FHIT: variants seen among roughly 807,000 people sequenced by gnomAD.
FHIT encodes fragile histidine triad diadenosine triphosphatase, also known as bis(5'-adenosyl)-triphosphatase.
In FHIT, 19 loss-of-function variants were observed where a neutral mutation model predicts 17.9. The ratio of observed to expected loss-of-function variants is 1.06; its 90% CI spans 0.74 to 1.56. The LOEUF (loss-of-function observed/expected upper bound fraction) is 1.56. FHIT is among the 40% of genes most tolerant of loss of function. The pLI, the probability that FHIT is intolerant of heterozygous loss-of-function variation, is 0.00. For missense variants in FHIT, 248 were observed against 189.2 expected, an observed-to-expected ratio of 1.31 and a Z score of -1.82; for synonymous variants, 81 against 69.7, an observed-to-expected ratio of 1.16 and a Z score of -0.81.
At chr3:61,174,841 G>A (rs912369449) in intron 2 of FHIT, among the ~76,000 whole-genome samples, 1 of 152,128 alleles carries the variant, frequency 6.6e-6, no homozygotes, top group Non-Finnish European at 1.5e-5. Flanking sequence ...ACTTGCAATG[G>A]GATACTTGTG....
At chr3:59,954,495 A>G (rs62240081) in intron 7 of FHIT, among the ~76,000 whole-genome samples, 13,387 of 152,214 alleles carry the variant, frequency 0.088, 827 homozygotes, top group South Asian at 0.15. Flanking sequence ...TCACCTAAGG[A>G]GTGCTGTGCA....
At chr3:60,825,720 T>C (rs2106789517) in intron 3 of FHIT, among the ~76,000 whole-genome samples, 1 of 152,286 alleles carries the variant, frequency 6.6e-6, no homozygotes, top group East Asian at 1.9e-4. Context: ...TGGAACAGTT[T>C]CATCCCAAAA....
intron 2 of FHIT, among the ~76,000 whole-genome samples, chr3:61,186,553 T>A (rs907621925): frequency 6.6e-6 from 1 of 152,214 alleles, no homozygotes; most frequent in Non-Finnish European, 1.5e-5. Flanking sequence ...TGAGAGGCTA[T>A]GAGGATCCTG....
chr3:60,833,267 G>A (rs1553743044), intron 3 of FHIT, among the ~76,000 whole-genome samples: 1 of 152,138 alleles, frequency 6.6e-6, no homozygotes, highest in African/African-American at 2.4e-5. Flanking sequence ...TCTTCCTCCT[G>A]GGGAAGTAGG....
chr3:61,164,566 A>C (rs1277477267), intron 2 of FHIT, among the ~76,000 whole-genome samples: 2 of 152,226 alleles, frequency 1.3e-5, no homozygotes, highest in African/African-American at 4.8e-5. Flanking sequence ...TCTAAGCCTG[A>C]GTTTACTTAT....
chr3:60,993,793 A>T (rs1248846854), intron 3 of FHIT, among the ~76,000 whole-genome samples: 1 of 152,206 alleles, frequency 6.6e-6, no homozygotes, highest in African/African-American at 2.4e-5. Flanking sequence ...TTGTAGGAGG[A>T]GGTCTGAACG....
intron 5 of FHIT, among the ~76,000 whole-genome samples, chr3:60,017,898 C>G (rs1700405342): frequency 6.6e-6 from 1 of 152,194 alleles, no homozygotes; most frequent in Non-Finnish European, 1.5e-5. Flanking sequence ...AGAATCCCTC[C>G]CATCCTACAC....
chr3:61,077,494 A>G (rs1287532818), intron 2 of FHIT, among the ~76,000 whole-genome samples: 2 of 152,052 alleles, frequency 1.3e-5, no homozygotes, highest in African/African-American at 4.8e-5. Context: ...ACAAAAAAAA[A>G]CAGCCATGCC....
At chr3:60,513,738 G>A (rs553333726) in intron 5 of FHIT, among the ~76,000 whole-genome samples, 1 of 146,482 alleles carries the variant, frequency 6.8e-6, no homozygotes, top group Non-Finnish European at 1.5e-5. Context: ...TCCCTGGTGA[G>A]GGTTCTACTC....
At chr3:60,136,661 A>G (rs1257256697) in intron 5 of FHIT, among the ~76,000 whole-genome samples, 5 of 152,056 alleles carry the variant, frequency 3.3e-5, no homozygotes, top group African/African-American at 1.2e-4. Flanking sequence ...CTTACCTTAC[A>G]TAGGACCTTG....
chr3:61,149,380 G>T (rs1175808576), intron 2 of FHIT, among the ~76,000 whole-genome samples: 1 of 151,430 alleles, frequency 6.6e-6, no homozygotes, highest in Admixed American at 6.6e-5. Context: ...CTGAAGCAGG[G>T]TAATAAAATT....
chr3:61,226,109 C>T (rs1193936315), intron 1 of FHIT, among the ~76,000 whole-genome samples: 1 of 152,128 alleles, frequency 6.6e-6, no homozygotes, highest in Non-Finnish European at 1.5e-5. Flanking sequence ...GTTTTCTTCC[C>T]TGTCTAAAGA....
At chr3:61,247,145 G>A (rs1050010564) in intron 1 of FHIT, among the ~76,000 whole-genome samples, 1 of 152,090 alleles carries the variant, frequency 6.6e-6, no homozygotes, top group Non-Finnish European at 1.5e-5. Context: ...ACAGAGCTAG[G>A]AGCAAGATAA....
chr3:60,408,120 G>A (rs375894644), intron 5 of FHIT, among the ~76,000 whole-genome samples: 1 of 152,172 alleles, frequency 6.6e-6, no homozygotes, highest in African/African-American at 2.4e-5. Flanking sequence ...CAGTTTATAT[G>A]TGTGTAACAC....
intron 4 of FHIT, among the ~76,000 whole-genome samples, chr3:60,745,680 G>A (rs1331304050): frequency 5.9e-5 from 9 of 152,106 alleles, no homozygotes; most frequent in African/African-American, 1.2e-4. Context: ...ATGGTATGGC[G>A]CTAGAGGTGA....
intron 4 of FHIT, among the ~76,000 whole-genome samples, chr3:60,735,753 T>G (rs1289243266): frequency 6.6e-6 from 1 of 152,234 alleles, no homozygotes; most frequent in African/African-American, 2.4e-5. Context: ...AAAATCTTCT[T>G]ACTTTCATTA....
intron 5 of FHIT, among the ~76,000 whole-genome samples, chr3:60,313,796 G>T (rs1020801976): frequency 8.5e-5 from 13 of 152,294 alleles, no homozygotes; most frequent in African/African-American, 2.9e-4. Context: ...TCTTGACTCT[G>T]TGCAAACGGA....
At chr3:60,419,411 G>C (rs148264273) in intron 5 of FHIT, among the ~76,000 whole-genome samples, 2 of 152,318 alleles carry the variant, frequency 1.3e-5, no homozygotes, top group East Asian at 3.9e-4. Flanking sequence ...ACAAGGGCAA[G>C]AGTTGGCACT....
chr3:60,188,344 T>C (rs7637396), intron 5 of FHIT, among the ~76,000 whole-genome samples: 27,951 of 151,856 alleles, frequency 0.18, 2,772 homozygotes, highest in South Asian at 0.24. Context: ...AATAAATAGA[T>C]CACACCGTAG....
Sources: gnomAD v4.1 joint callset for allele counts (sites outside exome capture counted in the v4.1 genomes callset) on GRCh38, gnomAD v4.1.1 for gene constraint, MANE v1.5 for transcripts, NCBI Gene and HGNC (gene_info 2026-07-23, HGNC 2026-07-21) for gene names.